Variants in THOC1 observed in about 807,000 individuals in gnomAD.
The protein encoded by THOC1 is THO complex 1.
In THOC1, 29 loss-of-function variants were observed where a neutral mutation model predicts 97.3. That is an observed-to-expected ratio of 0.30 (90% CI 0.22 to 0.41). The LOEUF is 0.41. Ranked by LOEUF, THOC1 falls within the 10% of genes least tolerant of loss-of-function variation. The pLI is 1.00. For synonymous variants in THOC1, 255 were observed against 257.0 expected (o/e 0.99, Z 0.07); for missense variants, 529 against 761.9 (o/e 0.69, Z 3.60).
intron 17 of THOC1, among the ~76,000 whole-genome samples, chr18:222,011 T>C (rs929082522): frequency 1.3e-5 from 2 of 152,214 alleles, no homozygotes; most frequent in Non-Finnish European, 2.9e-5. Flanking sequence ...TCTGTTGTGT[T>C]TTCTGTGCTT....
intron 11 of THOC1, among the ~76,000 whole-genome samples, chr18:229,831 T>C (rs918434580): frequency 1.3e-4 from 20 of 152,204 alleles, no homozygotes; most frequent in African/African-American, 4.8e-4. Flanking sequence ...TCTCACAGGT[T>C]ACTCTTCAAT....
intron 11 of THOC1, among the ~76,000 whole-genome samples, chr18:239,096 C>T (rs1911808659): frequency 6.6e-6 from 1 of 152,134 alleles, no homozygotes; most frequent in African/African-American, 2.4e-5. Flanking sequence ...CTAAATCAAG[C>T]TGTGATTAAA....
intron 17 of THOC1, among the ~76,000 whole-genome samples, chr18:220,560 C>A (rs1911042336): frequency 6.6e-6 from 1 of 152,140 alleles, no homozygotes; most frequent in Non-Finnish European, 1.5e-5. Flanking sequence ...ATCCATAATT[C>A]TTATAAAATC....
At chr18:257,869 G>A (rs1014730307) in intron 7 of THOC1, among the ~76,000 whole-genome samples, 2 of 152,094 alleles carry the variant, frequency 1.3e-5, no homozygotes, top group Admixed American at 1.3e-4. Context: ...GTAAAAAACA[G>A]AGGATACAGT....
intron 11 of THOC1, among the ~76,000 whole-genome samples, chr18:232,114 G>A (rs184180908): frequency 6.6e-6 from 1 of 152,142 alleles, no homozygotes; most frequent in Non-Finnish European, 1.5e-5. Flanking sequence ...ATTGTTTTCT[G>A]AGATAGGATC....
chr18:225,533 T>C, intron 12 of THOC1, 130 bp from the exon 13 acceptor site: 1 of 709,480 alleles, frequency 1.4e-6, no homozygotes, highest in Non-Finnish European at 2.3e-6. Flanking sequence ...AAGACAAGAA[T>C]AATCACAAAT....
intron 16 of THOC1, 105 bp downstream of exon 16, chr18:223,979 C>T: frequency 1.2e-6 from 1 of 861,492 alleles, no homozygotes; most frequent in Non-Finnish European, 1.9e-6. Context: ...TATGTGTGTA[C>T]CAAACACAAT....
chr18:227,614 C>CTTT (rs397779037), intron 11 of THOC1, among the ~76,000 whole-genome samples: 2 of 151,324 alleles, frequency 1.3e-5, no homozygotes, highest in East Asian at 3.9e-4. Context: ...GGAAGTTCTT[C>CTTT]AACGACCCTG....
At chr18:246,687 A>T (rs193008108) in intron 10 of THOC1, among the ~76,000 whole-genome samples, 1 of 152,182 alleles carries the variant, frequency 6.6e-6, no homozygotes, top group Admixed American at 6.5e-5. Context: ...AAAGAAATAT[A>T]ATTTCTTGGC....
intron 6 of THOC1, 80 bp from the exon 7 acceptor site, chr18:259,355 C>T: frequency 8.3e-7 from 1 of 1,200,038 alleles, no homozygotes; most frequent in Non-Finnish European, 1.2e-6. Context: ...GTTTCTAAAC[C>T]AGTGTGTCAA....
At chr18:215,043 TA>T (rs1364845325) in intron 20 of THOC1, 122 bp from the exon 21 acceptor site, 5 of 844,518 alleles carry the variant, frequency 5.9e-6, no homozygotes, top group Non-Finnish European at 9.1e-6. Flanking sequence ...AGTAAACAAT[TA>T]TTTTTTATAT....
chr18:225,273 T>C (rs2143169942), intron 13 of THOC1, 64 bp downstream of exon 13: 1 of 1,588,468 alleles, frequency 6.3e-7, no homozygotes, highest in East Asian at 2.2e-5. Flanking sequence ...TATTTGGGGC[T>C]GAAACAAAGA....
In THOC1 at chr18:254,167, C is replaced by T. The variant is rs1226244533; in HGVS notation, c.603+106G>A. 1 of 783,588 alleles carries T rather than the reference C, an allele frequency of 1.3e-6. No individual in the cohort carries two copies. Among genetic ancestry groups the T allele is most frequent in the African/African-American group, 1.7e-5 (1 of 58,188 alleles). The allele number at this position is 783,588 out of a possible 1,614,324, so 48.5% of individuals were successfully genotyped here. On this transcript the variant is annotated intron_variant, in intron 8 of 20. Transcript: ENST00000261600. The surrounding 1 kb of genome is among the most constrained non-coding windows in gnomAD (Gnocchi z 4.1). ...GCTCAAGCGATCTGCCCACCTCAGC[C>T]TCCCAAAGTGCTAGGATTACAAGTG... is the stretch of plus-strand genomic sequence containing the variant.
intron 18 of THOC1, among the ~76,000 whole-genome samples, chr18:218,565 T>C (rs754297870): frequency 1.3e-5 from 2 of 151,986 alleles, no homozygotes; most frequent in Non-Finnish European, 2.9e-5. Context: ...GGGAACAGGA[T>C]AGGTTAACAG....
chr18:234,674 G>A (rs942310209), intron 11 of THOC1, among the ~76,000 whole-genome samples: 2 of 152,066 alleles, frequency 1.3e-5, no homozygotes, highest in South Asian at 2.1e-4. Context: ...AAGCCAATAC[G>A]CCCAGCCAAT....
chr18:262,532 ACTT>A (rs1912635381), intron 4 of THOC1, among the ~76,000 whole-genome samples: 1 of 152,222 alleles, frequency 6.6e-6, no homozygotes, highest in Non-Finnish European at 1.5e-5. Flanking sequence ...ACTTTGTACA[ACTT>A]CTTCATTAAA....
rs183576224 is a variant in THOC1, at chr18:254,013, C to T, written c.603+260G>A. On this transcript the variant is annotated intron_variant, in intron 8 of 20. Coordinates refer to ENST00000261600, the MANE Select transcript of THOC1 (RefSeq NM_005131.3). The surrounding 1 kb of genome is among the most constrained non-coding windows in gnomAD (Gnocchi z 4.1). ...GCAGCTTGACCTCCCTGGGCTGAGGCGATTCTCCCACCTCAGCCTCTCGAG... is the reference window on the plus strand; with the variant it reads ...GCAGCTTGACCTCCCTGGGCTGAGGTGATTCTCCCACCTCAGCCTCTCGAG... Among the ~76,000 whole-genome samples the T allele has an allele frequency of 4.6e-3, 700 of 150,978 alleles. 6 individuals are homozygous for T. The highest frequency in any genetic ancestry group is 7.6e-3 in the Non-Finnish European group (515 of 67,860).
chr18:217,088 G>A (rs963139827), intron 18 of THOC1, among the ~76,000 whole-genome samples: 4 of 152,214 alleles, frequency 2.6e-5, no homozygotes, highest in Admixed American at 6.5e-5. Flanking sequence ...AAGATAATGC[G>A]TCAGAAATAT....
intron 13 of THOC1, 88 bp from the exon 14 acceptor site, chr18:225,227 G>A (rs996711339): frequency 6.6e-7 from 1 of 1,523,678 alleles, no homozygotes; most frequent in Admixed American, 1.9e-5. Context: ...AGTGTTTGTG[G>A]TCTTGTACCT....
Sources: gnomAD v4.1 joint callset for allele counts (sites outside exome capture counted in the v4.1 genomes callset) on GRCh38, gnomAD v4.1.1 for gene constraint, Gnocchi (gnomAD v3.1) non-coding constraint, MANE v1.5 for transcripts, NCBI Gene and HGNC (gene_info 2026-07-23, HGNC 2026-07-21) for gene names.